Variants in MYO18B observed in about 807,000 individuals in gnomAD.
MYO18B encodes unconventional myosin-XVIIIb.
MYO18B carries 204 observed loss-of-function variants against 273.0 expected under a neutral mutation model. The ratio of observed to expected loss-of-function variants is 0.75; its 90% CI spans 0.67 to 0.84. The LOEUF is 0.84. Ranked by LOEUF, MYO18B falls within the 40% of genes least tolerant of loss-of-function variation. MYO18B has a pLI of 0.00. For missense variants in MYO18B, 3,212 were observed against 3,287.6 expected (o/e 0.98, Z 0.56); for synonymous variants, 1,330 against 1,305.7 (o/e 1.02, Z -0.40).
At chr22:25,986,605 T>C (rs1242755976) in intron 39 of MYO18B, among the ~76,000 whole-genome samples, 3 of 152,260 alleles carry the variant, frequency 2.0e-5, no homozygotes, top group Non-Finnish European at 2.9e-5. Flanking sequence ...ACGTATTTAT[T>C]ATGTTCAAGG....
chr22:25,950,270 C>A, intron 36 of MYO18B, 97 bp from the exon 37 acceptor site: 2 of 987,390 alleles, frequency 2.0e-6, no homozygotes, highest in South Asian at 1.6e-5. Context: ...ATGTAGACAT[C>A]TGTGGGTGGG....
the MYO18B span, among the ~76,000 whole-genome samples, chr22:26,050,743 A>G: frequency 6.6e-6 from 1 of 152,218 alleles, no homozygotes; most frequent in Non-Finnish European, 1.5e-5. Context: ...CTCCCCAGGT[A>G]TTTAGATGAA....
At chr22:26,047,406 G>A in the MYO18B span, among the ~76,000 whole-genome samples, 1 of 152,224 alleles carries the variant, frequency 6.6e-6, no homozygotes, top group African/African-American at 2.4e-5. Context: ...GATTACAGGC[G>A]TGAGCCACCG....
At position 25,882,131 on chromosome 22, in the gene MYO18B, G is replaced by T. The variant is rs185907329; in HGVS notation, c.4314+4083G>T. On this transcript the variant is annotated intron_variant, in intron 25 of 43. Coordinates refer to ENST00000335473, the MANE Select transcript of MYO18B (RefSeq NM_032608.7). ...CTAGCCTTGTTGTTTCCCCTCACAG[G>T]ATTAATTGACTCTTTCCTAGTGACC... Among the ~76,000 whole-genome samples the T allele has an allele frequency of 1.4e-4, 22 of 152,252 alleles. No homozygotes were observed. The East Asian group carries it at 3.9e-3, about 27-fold the overall frequency.
intron 37 of MYO18B, 28 bp from the exon 38 acceptor site, chr22:25,952,258 G>A (rs1386813948): frequency 6.2e-7 from 1 of 1,602,266 alleles, no homozygotes; most frequent in Non-Finnish European, 8.5e-7. Context: ...GACAACAGAT[G>A]TCCAATAGAC....
chr22:25,962,261 C>T (rs2092925905), intron 39 of MYO18B, among the ~76,000 whole-genome samples: 1 of 152,104 alleles, frequency 6.6e-6, no homozygotes, highest in South Asian at 2.1e-4. Flanking sequence ...TGTTCCCGTA[C>T]CCCCTGTGCC....
chr22:26,018,100 G>A (rs1013625434), intron 42 of MYO18B, among the ~76,000 whole-genome samples: 2 of 151,256 alleles, frequency 1.3e-5, no homozygotes, highest in Non-Finnish European at 2.9e-5. Flanking sequence ...GTGAAGTCAA[G>A]GCAAATTCTG....
At chr22:26,046,475 C>G in the MYO18B span, among the ~76,000 whole-genome samples, 1 of 152,204 alleles carries the variant, frequency 6.6e-6, no homozygotes, top group African/African-American at 2.4e-5. Flanking sequence ...TCTTCAACTT[C>G]TCCATTTTGC....
intron 7 of MYO18B, among the ~76,000 whole-genome samples, chr22:25,776,548 G>A (rs1228040598): frequency 6.6e-6 from 1 of 152,196 alleles, no homozygotes; most frequent in Non-Finnish European, 1.5e-5. Flanking sequence ...AGTGAGCTGA[G>A]ATCGTGCCAT....
At chr22:25,964,096 C>G (rs567124692) in intron 39 of MYO18B, 10 of 152,252 alleles carry the variant, frequency 6.6e-5, no homozygotes, top group African/African-American at 2.4e-4. Flanking sequence ...TACCCTTGAC[C>G]GAAGACTGGT....
chr22:25,974,987 G>A (rs1047144671), intron 39 of MYO18B, among the ~76,000 whole-genome samples: 3 of 152,188 alleles, frequency 2.0e-5, no homozygotes, highest in African/African-American at 7.2e-5. Flanking sequence ...GGAGAAAAAT[G>A]GGGGAGACTG....
intron 19 of MYO18B, 49 bp from the exon 20 acceptor site, chr22:25,847,381 C>T (rs367966865): frequency 6.7e-7 from 1 of 1,482,814 alleles, no homozygotes; most frequent in Non-Finnish European, 9.2e-7. Context: ...AGTCCCCTTT[C>T]TGTGTCTCTG....
intron 40 of MYO18B, among the ~76,000 whole-genome samples, chr22:25,999,257 T>C (rs914260749): frequency 2.0e-5 from 3 of 152,198 alleles, no homozygotes; most frequent in African/African-American, 7.2e-5. Context: ...AAATGTAACC[T>C]ACTTCCTCCT....
the MYO18B span, among the ~76,000 whole-genome samples, chr22:26,061,137 C>T: frequency 1.3e-3 from 203 of 152,328 alleles, no homozygotes; most frequent in African/African-American, 4.7e-3. Context: ...ACCCTGGACT[C>T]CAGTAACACT....
At chr22:25,997,983 G>C (rs1175072356) in intron 40 of MYO18B, among the ~76,000 whole-genome samples, 10 of 142,186 alleles carry the variant, frequency 7.0e-5, no homozygotes, top group African/African-American at 2.1e-4. Flanking sequence ...ACACACGAGA[G>C]AGAGAGAGAG....
intron 33 of MYO18B, among the ~76,000 whole-genome samples, chr22:25,916,391 G>GT (rs2092261016): frequency 6.6e-6 from 1 of 151,952 alleles, no homozygotes; most frequent in African/African-American, 2.4e-5. Context: ...TTGGTCTTCA[G>GT]TTTTAGTATT....
At position 25,770,162 on chromosome 22, in the gene MYO18B, A is replaced by G. The variant is rs1601639823; in HGVS notation, c.1565A>G (p.Asp522Gly). The change falls in exon 5 of 44, where the codon GAT becomes GGT. Residue 522 changes from aspartate to glycine, a missense_variant. Transcript: ENST00000335473. ...GAGAAAGTCTGGCTGGCTCAGAAGG[A>G]TGGATTTACTCTTGGTAAGTAGGGG... ...EAEKVWLAQK[D>G]GFTLATVLKP... 1.2e-6 allele frequency: 2 copies of G among 1,613,894 alleles called. No homozygotes were observed. Among genetic ancestry groups the G allele is most frequent in the African/African-American group, 2.7e-5 (2 of 75,000 alleles).
At chr22:26,058,807 A>T in the MYO18B span, among the ~76,000 whole-genome samples, 1 of 152,168 alleles carries the variant, frequency 6.6e-6, no homozygotes, top group South Asian at 2.1e-4. Context: ...CCAGATGCAG[A>T]TACTGTTTCT....
At chr22:25,908,859 G>T (rs961709563) in intron 32 of MYO18B, among the ~76,000 whole-genome samples, 12 of 152,162 alleles carry the variant, frequency 7.9e-5, no homozygotes, top group African/African-American at 2.4e-4. Context: ...TTATCACCTA[G>T]AAGCCATCAT....
Sources: allele counts gnomAD v4.1 joint callset (sites outside exome capture counted in the v4.1 genomes callset), GRCh38; gene constraint gnomAD v4.1.1; transcripts MANE v1.5; gene names NCBI Gene and HGNC (gene_info 2026-07-23, HGNC 2026-07-21).